Variants in STK39 observed in about 807,000 individuals in gnomAD.
STK39 encodes STE20/SPS1-related proline-alanine-rich protein kinase.
In STK39, 20 loss-of-function variants were observed where a neutral mutation model predicts 77.8. The observed-to-expected ratio is 0.26, with a 90% CI of 0.18 to 0.37. The LOEUF (loss-of-function observed/expected upper bound fraction) is 0.37. Among genes scored for constraint, STK39 ranks in the 10% least tolerant of loss-of-function variants. The pLI, the probability that STK39 is intolerant of heterozygous loss-of-function variation, is 1.00. For missense variants in STK39, 479 were observed against 656.5 expected (o/e 0.73, Z 2.95); for synonymous variants, 246 against 234.1 (o/e 1.05, Z -0.47).
At chr2:168,178,179 A>C (rs1212462944) in intron 2 of STK39, among the ~76,000 whole-genome samples, 3 of 152,214 alleles carry the variant, frequency 2.0e-5, no homozygotes, top group African/African-American at 7.2e-5. Flanking sequence ...GGCTTGACAA[A>C]TGTGCAGTTA....
At chr2:168,195,227 T>C (rs1574545456) in intron 1 of STK39, among the ~76,000 whole-genome samples, 3 of 152,098 alleles carry the variant, frequency 2.0e-5, no homozygotes, top group East Asian at 3.9e-4. Flanking sequence ...TGAGACCCCG[T>C]CCCTACAAAA....
At chr2:168,221,744 G>C (rs749850749) in intron 1 of STK39, among the ~76,000 whole-genome samples, 1 of 152,090 alleles carries the variant, frequency 6.6e-6, no homozygotes, top group African/African-American at 2.4e-5. Context: ...AGGTCAGACC[G>C]TAAAGGGCAC....
intron 1 of STK39, among the ~76,000 whole-genome samples, chr2:168,233,139 A>G (rs1174920111): frequency 1.3e-5 from 2 of 152,122 alleles, no homozygotes; most frequent in African/African-American, 4.8e-5. Context: ...CGTTCATCCT[A>G]ATGATCACAT....
intron 2 of STK39, among the ~76,000 whole-genome samples, chr2:168,179,788 A>C (rs1306340019): frequency 6.6e-6 from 1 of 152,124 alleles, no homozygotes; most frequent in Non-Finnish European, 1.5e-5. Flanking sequence ...AAGAAACCAG[A>C]ATGACCAGCC....
chr2:168,142,840 T>C (rs886155161), intron 5 of STK39, among the ~76,000 whole-genome samples: 4 of 152,240 alleles, frequency 2.6e-5, no homozygotes, highest in African/African-American at 9.6e-5. Context: ...TACAATTTGC[T>C]CCTATGTACG....
intron 14 of STK39, among the ~76,000 whole-genome samples, chr2:168,032,384 T>C (rs920651175): frequency 1.6e-4 from 24 of 152,226 alleles, no homozygotes; most frequent in South Asian, 1.2e-3. Flanking sequence ...CCCAGGGGTG[T>C]AACTGTACCA....
intron 14 of STK39, among the ~76,000 whole-genome samples, chr2:168,056,967 T>C (rs1456186607): frequency 6.6e-6 from 1 of 151,960 alleles, no homozygotes; most frequent in East Asian, 1.9e-4. Context: ...TACTGGATAG[T>C]GGGTTTTTGA....
At chr2:168,136,132 G>A (rs974778770) in intron 8 of STK39, among the ~76,000 whole-genome samples, 1 of 151,970 alleles carries the variant, frequency 6.6e-6, no homozygotes. Flanking sequence ...ACTTTGGGAG[G>A]CCAAGGCGGG....
intron 2 of STK39, among the ~76,000 whole-genome samples, chr2:168,169,954 G>C (rs1488298811): frequency 6.6e-6 from 1 of 150,500 alleles, no homozygotes; most frequent in Non-Finnish European, 1.5e-5. Flanking sequence ...GGCTAGGGGG[G>C]TCCATGTCCC....
At chr2:168,098,249 G>C (rs1000438885) in intron 10 of STK39, among the ~76,000 whole-genome samples, 7 of 152,200 alleles carry the variant, frequency 4.6e-5, no homozygotes, top group Admixed American at 3.3e-4. Context: ...GCATGGGAAG[G>C]GGGTGAGAGA....
At chr2:168,024,359 T>C (rs1684646073) in intron 14 of STK39, among the ~76,000 whole-genome samples, 1 of 152,198 alleles carries the variant, frequency 6.6e-6, no homozygotes, top group South Asian at 2.1e-4. Flanking sequence ...AATTCACAGC[T>C]GCTATGGTTT....
intron 14 of STK39, among the ~76,000 whole-genome samples, chr2:168,030,076 T>TA (rs1684796203): frequency 6.7e-6 from 1 of 150,162 alleles, no homozygotes; most frequent in Admixed American, 6.6e-5. Context: ...CCGTCTCTAC[T>TA]AAAAAATACA....
chr2:168,076,352 A>T (rs565630637), intron 10 of STK39, among the ~76,000 whole-genome samples: 1 of 152,336 alleles, frequency 6.6e-6, no homozygotes, highest in South Asian at 2.1e-4. Flanking sequence ...AAGTTATCTA[A>T]AACTGTCCTT....
chr2:167,984,583 T>C (rs927301204), intron 16 of STK39, among the ~76,000 whole-genome samples: 2 of 152,184 alleles, frequency 1.3e-5, no homozygotes, highest in African/African-American at 4.8e-5. Context: ...ACAGACATTC[T>C]ATCATAGAAA....
At chr2:168,140,217 T>C (rs1687945083) in intron 7 of STK39, 72 bp downstream of exon 7, 2 of 1,265,260 alleles carry the variant, frequency 1.6e-6, no homozygotes, top group Non-Finnish European at 2.3e-6. Context: ...ATGAAGATGT[T>C]GAAGAGAATT....
At chr2:168,061,575 G>C (rs1027610951) in intron 14 of STK39, among the ~76,000 whole-genome samples, 1 of 152,144 alleles carries the variant, frequency 6.6e-6, no homozygotes, top group East Asian at 1.9e-4. Flanking sequence ...CGTCATGTAG[G>C]ACTAGTGATC....
At chr2:168,150,772 A>G (rs1004609929) in intron 5 of STK39, among the ~76,000 whole-genome samples, 18 of 152,150 alleles carry the variant, frequency 1.2e-4, no homozygotes, top group Admixed American at 2.6e-4. Flanking sequence ...CTTTTAAGCA[A>G]GTCAATAAAT....
chr2:168,106,592 G>T (rs1686980361), intron 10 of STK39, among the ~76,000 whole-genome samples: 1 of 152,184 alleles, frequency 6.6e-6, no homozygotes, highest in Admixed American at 6.6e-5. Flanking sequence ...GGCCAAGGCA[G>T]GAGGATCGCT....
chr2:168,038,767 A>G (rs900772470), intron 14 of STK39, among the ~76,000 whole-genome samples: 6 of 152,228 alleles, frequency 3.9e-5, no homozygotes, highest in African/African-American at 1.4e-4. Context: ...TCTGAACAGA[A>G]GACATACATG....
Sources: gnomAD v4.1 joint callset for allele counts (sites outside exome capture counted in the v4.1 genomes callset) on GRCh38, gnomAD v4.1.1 for gene constraint, MANE v1.5 for transcripts, NCBI Gene and HGNC (gene_info 2026-07-23, HGNC 2026-07-21) for gene names.